CLVS1: variants seen among roughly 807,000 people sequenced by gnomAD.
CLVS1 encodes clavesin 1.
A neutral mutation model predicts 33.1 loss-of-function variants in CLVS1; 10 were observed. The observed-to-expected ratio is 0.30, with a 90% confidence interval of 0.19 to 0.51. CLVS1 has a LOEUF of 0.51. Ranked by LOEUF, CLVS1 falls within the 20% of genes least tolerant of loss-of-function variation. The probability of loss-of-function intolerance (pLI) is 0.97; values close to 1 mark genes in which losing one functional copy is unlikely to be tolerated. For synonymous variants in CLVS1, 163 were observed against 166.1 expected (o/e 0.98, Z 0.14); for missense variants, 343 against 433.4 (o/e 0.79, Z 1.85).
chr8:61,067,240 C>T (rs757095657), intron 1 of CLVS1, among the ~76,000 whole-genome samples: 6 of 151,922 alleles, frequency 3.9e-5, no homozygotes, highest in Admixed American at 3.9e-4. Context: ...ACTGTTAATT[C>T]CATAATGGCA....
chr8:61,139,317 C>G (rs1461612245), intron 2 of CLVS1, among the ~76,000 whole-genome samples: 2 of 152,230 alleles, frequency 1.3e-5, no homozygotes, highest in African/African-American at 4.8e-5. Flanking sequence ...AGCGACTCCC[C>G]CGGGAACCCT....
At chr8:61,461,247 T>A (rs1444229656) in intron 5 of CLVS1, among the ~76,000 whole-genome samples, 1 of 152,226 alleles carries the variant, frequency 6.6e-6, no homozygotes, top group African/African-American at 2.4e-5. Flanking sequence ...GTTATCCAAT[T>A]GGAAACTGCT....
chr8:61,403,611 C>G (rs1484656816), intron 3 of CLVS1, among the ~76,000 whole-genome samples: 1 of 152,042 alleles, frequency 6.6e-6, no homozygotes, highest in Admixed American at 6.5e-5. Context: ...ATGAGAGGAG[C>G]TGAAGATGCA....
chr8:61,243,230 G>A (rs114219126), intron 2 of CLVS1, among the ~76,000 whole-genome samples: 1,522 of 152,198 alleles, frequency 0.01, 34 homozygotes, highest in African/African-American at 0.034. Context: ...AAAAAGTATT[G>A]TACATATTTA....
At chr8:61,476,582 G>T (rs1449375251) in intron 5 of CLVS1, among the ~76,000 whole-genome samples, 1 of 152,116 alleles carries the variant, frequency 6.6e-6, no homozygotes, top group African/African-American at 2.4e-5. Flanking sequence ...GTTCACTCAT[G>T]ATTTGGCTCT....
chr8:60,970,675 CT>C, the CLVS1 span, among the ~76,000 whole-genome samples: 2 of 152,202 alleles, frequency 1.3e-5, no homozygotes, highest in Non-Finnish European at 2.9e-5. Flanking sequence ...TGTACATGAC[CT>C]TTCCTTTGAA....
rs73685067 is a variant in CLVS1, at chr8:61,498,465, C to T, written c.978-990C>T. 8.6e-3 allele frequency among the ~76,000 whole-genome samples: 1,311 copies of T among 152,308 alleles called. 13 individuals carry two copies. Among genetic ancestry groups the T allele is most frequent in the African/African-American group, 0.028 (1,180 of 41,566 alleles). ...CTTATTTGAACAATTTAACCATTTT[C>T]ATGATAATTTGTTTTTAGTTGTGAA... On this transcript the variant is annotated intron_variant, in intron 5 of 5. Coordinates refer to ENST00000325897, the MANE Select transcript of CLVS1 (RefSeq NM_173519.3).
chr8:61,365,322 T>C (rs1585865333), intron 2 of CLVS1, among the ~76,000 whole-genome samples: 1 of 151,888 alleles, frequency 6.6e-6, no homozygotes. Flanking sequence ...GGGTCAGGAG[T>C]TGGAGATCAG....
At chr8:60,982,673 T>G in the CLVS1 span, among the ~76,000 whole-genome samples, 2 of 152,136 alleles carry the variant, frequency 1.3e-5, no homozygotes, top group Non-Finnish European at 2.9e-5. Context: ...CTTGACTAAA[T>G]AAGTGGCAGT....
intron 2 of CLVS1, among the ~76,000 whole-genome samples, chr8:61,278,863 C>T (rs183255215): frequency 8.5e-5 from 13 of 152,276 alleles, no homozygotes; most frequent in Admixed American, 8.5e-4. Flanking sequence ...TACTCCCATG[C>T]TCCTGGGGCC....
intron 3 of CLVS1, among the ~76,000 whole-genome samples, chr8:61,405,482 T>G (rs1429314114): frequency 6.6e-6 from 1 of 152,160 alleles, no homozygotes; most frequent in African/African-American, 2.4e-5. Context: ...ATTAAAAATA[T>G]GTGTATTCTG....
chr8:61,151,351 A>C (rs1337883990), intron 2 of CLVS1, among the ~76,000 whole-genome samples: 1 of 152,248 alleles, frequency 6.6e-6, no homozygotes, highest in Non-Finnish European at 1.5e-5. Context: ...ATTCTTAATT[A>C]CGTTATCTTG....
intron 2 of CLVS1, among the ~76,000 whole-genome samples, chr8:61,231,720 C>T (rs1381101993): frequency 6.6e-6 from 1 of 152,228 alleles, no homozygotes; most frequent in South Asian, 2.1e-4. Flanking sequence ...CTGTCCCAGA[C>T]AACAGAATCT....
the CLVS1 span, among the ~76,000 whole-genome samples, chr8:61,008,898 A>T: frequency 6.6e-6 from 1 of 152,212 alleles, no homozygotes; most frequent in African/African-American, 2.4e-5. Context: ...ATTTTGTTTT[A>T]CTTTGATCTT....
intron 3 of CLVS1, among the ~76,000 whole-genome samples, chr8:61,425,461 TCAC>T (rs1246934079): frequency 1.3e-5 from 2 of 152,182 alleles, no homozygotes; most frequent in Non-Finnish European, 2.9e-5. Context: ...TAGACATAAT[TCAC>T]ATGCCACAAA....
At chr8:61,072,999 C>T (rs1014723074) in intron 1 of CLVS1, among the ~76,000 whole-genome samples, 3 of 152,072 alleles carry the variant, frequency 2.0e-5, no homozygotes, top group Admixed American at 6.5e-5. Flanking sequence ...AGTTTTAACA[C>T]TTTCTCTGGG....
intron 2 of CLVS1, among the ~76,000 whole-genome samples, chr8:61,249,889 T>C (rs1214198481): frequency 1.3e-5 from 2 of 152,216 alleles, no homozygotes; most frequent in Non-Finnish European, 2.9e-5. Context: ...GATGATAGTT[T>C]CTTTTGCTAT....
chr8:61,111,034 A>AT (rs1035605846), intron 1 of CLVS1, among the ~76,000 whole-genome samples: 12 of 152,206 alleles, frequency 7.9e-5, no homozygotes, highest in African/African-American at 2.6e-4. Flanking sequence ...CCACTTTCTC[A>AT]TTTTTTGTGT....
chr8:61,483,833 A>G, intron 5 of CLVS1, among the ~76,000 whole-genome samples: 1 of 152,238 alleles, frequency 6.6e-6, no homozygotes, highest in Non-Finnish European at 1.5e-5. Context: ...TATAAACAGA[A>G]CCAAAGACAA....
Sources: gnomAD v4.1 joint callset for allele counts (sites outside exome capture counted in the v4.1 genomes callset) on GRCh38, gnomAD v4.1.1 for gene constraint, MANE v1.5 for transcripts, NCBI Gene and HGNC (gene_info 2026-07-23, HGNC 2026-07-21) for gene names.